Variants in ZNF705G observed in about 807,000 individuals in gnomAD.
ZNF705G encodes the protein putative zinc finger protein 705G.
ZNF705G carries 23 observed loss-of-function variants against 19.6 expected under a neutral mutation model. That is an observed-to-expected ratio of 1.17 (90% CI 0.84 to 1.66). ZNF705G has a LOEUF of 1.66. Ranked by LOEUF, ZNF705G falls within the 40% of genes most tolerant of loss-of-function variation. ZNF705G has a pLI of 0.00. For synonymous variants in ZNF705G, 146 were observed against 117.7 expected (o/e 1.24, Z -1.56); for missense variants, 457 against 354.4 (o/e 1.29, Z -2.32).
intron 2 of ZNF705G, among the ~76,000 whole-genome samples, chr8:7,367,970 G>C (rs192009681): frequency 6.7e-6 from 1 of 149,706 alleles, no homozygotes; most frequent in East Asian, 1.9e-4. Context: ...AGGATGCAGT[G>C]AACTTATCTA....
intron 2 of ZNF705G, among the ~76,000 whole-genome samples, chr8:7,379,912 G>T (rs1179068683): frequency 6.9e-6 from 1 of 144,234 alleles, no homozygotes; most frequent in Non-Finnish European, 1.5e-5. Context: ...CTGCCCTGGG[G>T]CCCAACAGCC....
chr8:7,367,695 G>T (rs1293946860), intron 2 of ZNF705G, among the ~76,000 whole-genome samples: 1 of 149,584 alleles, frequency 6.7e-6, no homozygotes, highest in Non-Finnish European at 1.5e-5. Context: ...TCTTCCAAGA[G>T]AATTTTCCTC....
In ZNF705G at chr8:7,358,086, A is replaced by G. The variant is rs1397406291; in HGVS notation, c.793T>C (p.Phe265Leu). Residue 265 changes from phenylalanine to leucine, a missense_variant, in exon 7 of 7, where the codon TTT (phenylalanine) becomes CTT (leucine). By Grantham distance (22) the Phe-to-Leu change is conservative. Coordinates refer to ENST00000400156, the MANE Select transcript of ZNF705G (RefSeq NM_001164457.3). ...CCTCTAAAGCCAGAGCTTTGACTAA[A>G]GGCTTTCCCACTTTTATCACATTCA... is the stretch of plus-strand genomic sequence containing the variant. The part of the protein sequence containing the change: ...CYECDKSGKA[F>L]SQSSGFRGNK... 6.2e-7 allele frequency: 1 copy of G among 1,607,966 alleles called. No individual in the cohort carries two copies. Among genetic ancestry groups the G allele is most frequent in the African/African-American group, 1.4e-5 (1 of 71,098 alleles).
intron 3 of ZNF705G, among the ~76,000 whole-genome samples, chr8:7,362,096 A>G (rs1168743490): frequency 1.3e-5 from 2 of 149,476 alleles, no homozygotes; most frequent in Admixed American, 6.6e-5. Flanking sequence ...CCTTCTCACT[A>G]CACTTGTTCA....
Position 7,383,072 on chromosome 8 carries a change from A to G in ZNF705G, c.-221-1471T>C, listed in dbSNP as rs1374420960. Among the ~76,000 whole-genome samples, 12 of 148,948 alleles carry G rather than the reference A, an allele frequency of 8.1e-5. No homozygotes were observed. In the East Asian group the frequency reaches 2.1e-3, roughly 26 times the overall value. ...CCATTTTAGAAGCTAAAAAAGGAGA[A>G]GAAATTCTGTAAATGGAAATTACAT... On this transcript the variant is annotated intron_variant, in intron 1 of 6. Coordinates refer to ENST00000400156, the MANE Select transcript of ZNF705G (RefSeq NM_001164457.3).
At chr8:7,364,686 C>T (rs1173588600) in intron 2 of ZNF705G, among the ~76,000 whole-genome samples, 2 of 149,668 alleles carry the variant, frequency 1.3e-5, no homozygotes, top group African/African-American at 5.1e-5. Flanking sequence ...TTTACTGCCA[C>T]ATTTAATGCA....
At position 7,358,645 on chromosome 8, in the gene ZNF705G, C is replaced by T; in HGVS notation, c.319-85G>A. 3.8e-6 allele frequency: 6 copies of T among 1,575,320 alleles called. No individual in the cohort carries two copies. The South Asian group carries it at 7.0e-5, about 18-fold the overall frequency. ...TCACTACCTTTGAATCCTAGACCAACCATTCAGTGGTAGACCCCAGTTGAA... is the reference window on the plus strand; with the variant it reads ...TCACTACCTTTGAATCCTAGACCAATCATTCAGTGGTAGACCCCAGTTGAA... On this transcript the variant is annotated intron_variant, in intron 6 of 6. Transcript: ENST00000400156.
Position 7,360,145 on chromosome 8 carries a change from C to T in ZNF705G, c.235+92G>A, listed in dbSNP as rs1806506040. On this transcript the variant is annotated intron_variant, in intron 5 of 6. Coordinates refer to ENST00000400156, the MANE Select transcript of ZNF705G (RefSeq NM_001164457.3). ...CTAACCTACATTTTAGAAATTATCA[C>T]TCATTTAATAAAACCACTAATTAAT... 8 of 1,382,722 alleles carry T rather than the reference C, an allele frequency of 5.8e-6. 1 individual carries two copies. The South Asian group carries it at 8.7e-5, about 15-fold the overall frequency. 85.7% of individuals were successfully genotyped at this position (1,382,722 alleles called of 1,614,324 possible).
rs1322108785 is a variant in ZNF705G, at chr8:7,357,880, A to G, written c.*96T>C. ...AGTTTATAATTTTCTCTCCAGGGTGAATTTTCTGATGCTCTTTAAGATTAG... is the reference window on the plus strand; with the variant it reads ...AGTTTATAATTTTCTCTCCAGGGTGGATTTTCTGATGCTCTTTAAGATTAG... On this transcript the variant is annotated 3_prime_UTR_variant, in exon 7 of 7. Transcript: ENST00000400156. The G allele has an allele frequency of 6.4e-7, 1 of 1,558,584 alleles. No homozygotes were observed. Among genetic ancestry groups the G allele is most frequent in the Non-Finnish European group, 8.6e-7 (1 of 1,159,350 alleles).
rs1207639830 is a variant in ZNF705G, at chr8:7,356,503, G to A, written c.*1473C>T. ...GGACACCCAAATGCATATACAAGGT[G>A]TCTTTGATACAGCCTCCATTTCCCT... On this transcript the variant is annotated 3_prime_UTR_variant, in exon 7 of 7. Transcript: ENST00000400156. The A allele has an allele frequency of 2.0e-5, 3 of 149,856 alleles. No homozygotes were observed. The highest frequency in any genetic ancestry group is 7.7e-5 in the African/African-American group (3 of 39,128). The allele number at this position is 149,856 out of a possible 1,614,324, so 9.3% of individuals were successfully genotyped here.
intron 6 of ZNF705G, among the ~76,000 whole-genome samples, chr8:7,358,803 G>A (rs181036631): frequency 7.4e-5 from 11 of 149,242 alleles, no homozygotes; most frequent in South Asian, 2.1e-4. Flanking sequence ...AAATAATATG[G>A]CTACAAGATG....
intron 1 of ZNF705G, among the ~76,000 whole-genome samples, chr8:7,382,810 G>A (rs1292736156): frequency 1.4e-5 from 2 of 146,722 alleles, no homozygotes; most frequent in Non-Finnish European, 2.9e-5. Flanking sequence ...AATTTCAGTA[G>A]TTTTTGGGGT....
chr8:7,367,173 T>C lies in ZNF705G; in HGVS notation c.-71-4156A>G, dbSNP rs1451459915. On this transcript the variant is annotated intron_variant, in intron 2 of 6. Coordinates refer to ENST00000400156, the MANE Select transcript of ZNF705G (RefSeq NM_001164457.3). ...AAAATGTAATAATGAGATGCTGCCT[T>C]GATGGGACAAATGTCTAATGATATA... Among the ~76,000 whole-genome samples the C allele has an allele frequency of 3.3e-5, 5 of 149,458 alleles. No individual in the cohort carries two copies. In the South Asian group the frequency reaches 1.0e-3, roughly 31 times the overall value.
rs1456765810 is a variant in ZNF705G at position 7,369,502 on chromosome 8, G to T, written c.-71-6485C>A. ...CTTGCACCCTGAGCCTGGAAAAGCTGCAGGCACTCAACACTGGCCCTTGAC... is the reference window on the plus strand; with the variant it reads ...CTTGCACCCTGAGCCTGGAAAAGCTTCAGGCACTCAACACTGGCCCTTGAC... On this transcript the variant is annotated intron_variant, in intron 2 of 6. Transcript: ENST00000400156. Among the ~76,000 whole-genome samples the T allele has an allele frequency of 3.3e-5, 5 of 149,536 alleles. 1 individual carries two copies. Among genetic ancestry groups the T allele is most frequent in the African/African-American group, 1.0e-4 (4 of 38,948 alleles).
chr8:7,369,668 G>A (rs1313089793), intron 2 of ZNF705G, among the ~76,000 whole-genome samples: 1 of 149,742 alleles, frequency 6.7e-6, no homozygotes, highest in East Asian at 1.9e-4. Flanking sequence ...CAATGTTACA[G>A]TGGATAGAGA....
intron 2 of ZNF705G, among the ~76,000 whole-genome samples, chr8:7,377,946 A>G (rs1396155115): frequency 1.0e-5 from 1 of 99,146 alleles, no homozygotes; most frequent in Non-Finnish European, 1.8e-5. Flanking sequence ...AGAGTAAGAC[A>G]CTGTCTCAAA....
In ZNF705G at chr8:7,356,825, A is replaced by G. The variant is rs563120531; in HGVS notation, c.*1151T>C. ...TTCAACAACAGATTGTATTCTTTCA[A>G]TATTTGTAAGTATTGATCTTTTGGA... On this transcript the variant is annotated 3_prime_UTR_variant, in exon 7 of 7. Transcript: ENST00000400156. 6.7e-6 allele frequency: 1 copy of G among 149,896 alleles called. No homozygotes were observed. Among genetic ancestry groups the G allele is most frequent in the Non-Finnish European group, 1.5e-5 (1 of 68,028 alleles). The allele number at this position is 149,896 out of a possible 1,614,324, so 9.3% of individuals were successfully genotyped here. A position where few individuals can be genotyped will look rare whatever the true frequency, so the allele number is the denominator to read the frequency against.
At chr8:7,361,422 T>A (rs1806589816) in intron 3 of ZNF705G, among the ~76,000 whole-genome samples, 186 bp from the exon 4 acceptor site, 1 of 149,646 alleles carries the variant, frequency 6.7e-6, no homozygotes, top group South Asian at 2.1e-4. Context: ...ATATACCCAC[T>A]CTGAATCCAT....
intron 3 of ZNF705G, among the ~76,000 whole-genome samples, chr8:7,361,686 C>T (rs1320349005): frequency 6.7e-6 from 1 of 149,590 alleles, no homozygotes; most frequent in Non-Finnish European, 1.5e-5. Flanking sequence ...AGGTTTCTCA[C>T]CAATCAAATG....
Sources: allele counts gnomAD v4.1 joint callset (sites outside exome capture counted in the v4.1 genomes callset), GRCh38; gene constraint gnomAD v4.1.1; transcripts MANE v1.5; gene names NCBI Gene and HGNC (gene_info 2026-07-23, HGNC 2026-07-21).